Variants in DLC1 observed in about 807,000 individuals in gnomAD.
DLC1 encodes the protein rho GTPase-activating protein 7.
In DLC1, 54 loss-of-function variants were observed where a neutral mutation model predicts 140.3. That is an observed-to-expected ratio of 0.38 (90% confidence interval 0.31 to 0.48). DLC1 has a LOEUF of 0.48. Among genes scored for constraint, DLC1 ranks in the 20% least tolerant of loss-of-function variants. The pLI is 0.96. For synonymous variants in DLC1, 986 were observed against 728.1 expected (o/e 1.35, Z -5.70); for missense variants, 2,536 against 1,907.0 (o/e 1.33, Z -6.14).
intron 4 of DLC1, among the ~76,000 whole-genome samples, chr8:13,374,941 T>C (rs10098574): frequency 0.53 from 80,577 of 151,888 alleles, 22,102 homozygotes; most frequent in East Asian, 0.81. Context: ...CCAGGTATTT[T>C]ATTCTCTTTG....
chr8:13,140,812 T>A (rs1226661331), intron 5 of DLC1, among the ~76,000 whole-genome samples: 1 of 152,176 alleles, frequency 6.6e-6, no homozygotes, highest in Admixed American at 6.5e-5. Context: ...AAATTTAATT[T>A]ACAAAACAGG....
chr8:13,392,508 T>C (rs914111797), intron 4 of DLC1, among the ~76,000 whole-genome samples: 2 of 152,186 alleles, frequency 1.3e-5, no homozygotes, highest in African/African-American at 4.8e-5. Context: ...GTATTATCTT[T>C]TGAGTCCTAT....
At chr8:13,419,147 A>G (rs540094755) in intron 2 of DLC1, among the ~76,000 whole-genome samples, 1 of 152,348 alleles carries the variant, frequency 6.6e-6, no homozygotes, top group Non-Finnish European at 1.5e-5. Context: ...ATATACAATC[A>G]TGTGGTCTGC....
intron 5 of DLC1, among the ~76,000 whole-genome samples, chr8:13,291,200 C>G (rs556109253): frequency 1.3e-5 from 2 of 152,118 alleles, no homozygotes; most frequent in Non-Finnish European, 2.9e-5. Flanking sequence ...TGAGCCACTG[C>G]GCCTGGCCAT....
In DLC1 at chr8:13,579,331, A is replaced by T. The variant is rs1465044008; in HGVS notation, c.-126+25206T>A. On this transcript the variant is annotated intron_variant, in intron 1 of 1. Coordinates refer to the DLC1 transcript ENST00000631382. The stretch of plus-strand genomic sequence containing the variant: ...GGTCTGACTTTATATATATATATAT[A>T]TATATATATATATATATATATATAT... Among the ~76,000 whole-genome samples, 16 of 16,098 alleles carry T rather than the reference A, an allele frequency of 9.9e-4. 3 individuals carry two copies. Among genetic ancestry groups the T allele is most frequent in the Non-Finnish European group, 1.7e-3 (14 of 8,464 alleles). 10.6% of individuals were successfully genotyped at this position (16,098 alleles called of 152,430 possible).
chr8:13,121,983 A>T (rs1821117830), intron 5 of DLC1, among the ~76,000 whole-genome samples: 1 of 152,150 alleles, frequency 6.6e-6, no homozygotes, highest in Non-Finnish European at 1.5e-5. Context: ...GAGGACCACT[A>T]AGCCAGATAA....
Position 13,289,331 on chromosome 8 carries a change from C to T in DLC1, c.1348+15938G>A, listed in dbSNP as rs553562027. On this transcript the variant is annotated intron_variant, in intron 5 of 17. Coordinates refer to ENST00000276297, the MANE Select transcript of DLC1 (RefSeq NM_182643.3). ...TCAGCCTCCAGAGTAGCTAGGACTA[C>T]AGGGGTGTGCCTTTGCACCTGGTTA... Among the ~76,000 whole-genome samples the T allele has an allele frequency of 1.0e-3, 155 of 152,310 alleles. 1 individual carries two copies. Among genetic ancestry groups the T allele is most frequent in the African/African-American group, 3.6e-3 (150 of 41,568 alleles).
intron 5 of DLC1, among the ~76,000 whole-genome samples, chr8:13,170,179 G>A (rs1219937705): frequency 2.0e-5 from 3 of 152,142 alleles, no homozygotes; most frequent in African/African-American, 7.2e-5. Context: ...AAAGGCCGCT[G>A]ATGTATACTA....
At chr8:13,333,537 A>T (rs1221898984) in intron 4 of DLC1, among the ~76,000 whole-genome samples, 1 of 152,200 alleles carries the variant, frequency 6.6e-6, no homozygotes, top group Non-Finnish European at 1.5e-5. Context: ...GGTGTAAACG[A>T]TCATGGCTGG....
intron 2 of DLC1, among the ~76,000 whole-genome samples, chr8:13,464,317 T>C (rs946289252): frequency 1.3e-5 from 2 of 152,184 alleles, no homozygotes; most frequent in Non-Finnish European, 1.5e-5. Context: ...TCATGTATCC[T>C]CTTGACCATG....
At chr8:13,188,843 ATT>A (rs869162448) in intron 5 of DLC1, among the ~76,000 whole-genome samples, 5 of 30,668 alleles carry the variant, frequency 1.6e-4, no homozygotes, top group East Asian at 4.1e-3. Flanking sequence ...ATATATATAT[ATT>A]TTTTTTTTTT....
chr8:13,331,855 A>G (rs1833602935), intron 4 of DLC1, among the ~76,000 whole-genome samples: 1 of 151,968 alleles, frequency 6.6e-6, no homozygotes, highest in Non-Finnish European at 1.5e-5. Context: ...GTCAGTCCTC[A>G]CTCCTTGTTT....
chr8:13,152,142 CT>C (rs1284466411), intron 5 of DLC1, among the ~76,000 whole-genome samples: 1 of 152,212 alleles, frequency 6.6e-6, no homozygotes, highest in Non-Finnish European at 1.5e-5. Flanking sequence ...TTTAGGCATG[CT>C]TTGTGGGGCA....
intron 1 of DLC1, among the ~76,000 whole-genome samples, chr8:13,506,971 A>G (rs947614411): frequency 6.6e-6 from 1 of 152,142 alleles, no homozygotes; most frequent in Admixed American, 6.5e-5. Flanking sequence ...ACACTTGTAC[A>G]TCGTATGTGC....
At position 13,196,090 on chromosome 8, in the gene DLC1, A is replaced by G. The variant is rs113283359; in HGVS notation, c.1349-80433T>C. 1.2e-4 allele frequency among the ~76,000 whole-genome samples: 15 copies of G among 122,708 alleles called. 1 individual carries two copies. The highest frequency in any genetic ancestry group is 4.7e-4 in the African/African-American group (15 of 31,746). 80.5% of individuals were successfully genotyped at this position (122,708 alleles called of 152,430 possible). ...ACACAACCAATGCTCTACATTCTGT[A>G]TTGATACACACACACACACACACAC... On this transcript the variant is annotated intron_variant, in intron 5 of 17. Coordinates refer to ENST00000276297, the MANE Select transcript of DLC1 (RefSeq NM_182643.3).
At chr8:13,353,883 C>G (rs1279006457) in intron 4 of DLC1, among the ~76,000 whole-genome samples, 2 of 151,656 alleles carry the variant, frequency 1.3e-5, no homozygotes, top group African/African-American at 4.8e-5. Context: ...AGATTTTTCT[C>G]AAATACTTTG....
At chr8:13,220,230 G>C (rs1254571892) in intron 5 of DLC1, among the ~76,000 whole-genome samples, 6 of 152,066 alleles carry the variant, frequency 3.9e-5, no homozygotes, top group Non-Finnish European at 8.8e-5. Context: ...TTGGTCTCTG[G>C]GAAGGCAAGG....
intron 1 of DLC1, among the ~76,000 whole-genome samples, chr8:13,544,249 T>C (rs1803582008): frequency 6.6e-6 from 1 of 151,436 alleles, no homozygotes; most frequent in Non-Finnish European, 1.5e-5. Flanking sequence ...CTTACTAGAT[T>C]GGTCACTTAA....
intron 1 of DLC1, among the ~76,000 whole-genome samples, chr8:13,506,660 C>T (rs1802100955): frequency 6.7e-6 from 1 of 148,924 alleles, no homozygotes; most frequent in Non-Finnish European, 1.5e-5. Flanking sequence ...TATATGTGTG[C>T]ATATGTATGT....
Sources: allele counts gnomAD v4.1 joint callset (sites outside exome capture counted in the v4.1 genomes callset), GRCh38; gene constraint gnomAD v4.1.1; transcripts MANE v1.5; gene names NCBI Gene and HGNC (gene_info 2026-07-23, HGNC 2026-07-21).